Variants in GRB10 observed in about 807,000 individuals in gnomAD.
GRB10 encodes the protein growth factor receptor-bound protein 10.
A neutral mutation model predicts 80.9 loss-of-function variants in GRB10; 20 were observed. The ratio of observed to expected loss-of-function variants is 0.25; its 90% confidence interval spans 0.17 to 0.36. The LOEUF (loss-of-function observed/expected upper bound fraction) is 0.36, where lower values mean the gene tolerates loss of function less well. Among genes scored for constraint, GRB10 ranks in the 10% least tolerant of loss-of-function variants. The pLI is 1.00. For synonymous variants in GRB10, 291 were observed against 291.5 expected (o/e 1.00, Z 0.02); for missense variants, 548 against 747.7 (o/e 0.73, Z 3.12).
intron 7 of GRB10, among the ~76,000 whole-genome samples, chr7:50,659,851 G>T (rs948852885): frequency 6.6e-6 from 1 of 152,190 alleles, no homozygotes; most frequent in Non-Finnish European, 1.5e-5. Flanking sequence ...GGATTCACGC[G>T]TCCCCTCATA....
intron 4 of GRB10, among the ~76,000 whole-genome samples, chr7:50,728,285 TAAC>T (rs1587569792): frequency 6.6e-6 from 1 of 151,400 alleles, no homozygotes; most frequent in Non-Finnish European, 1.5e-5. Context: ...ATAATAATAA[TAAC>T]AACAGTGACA....
chr7:50,617,508 G>A (rs1029590980), intron 10 of GRB10, among the ~76,000 whole-genome samples: 2 of 152,174 alleles, frequency 1.3e-5, no homozygotes, highest in African/African-American at 4.8e-5. Flanking sequence ...AGAGGCCCTG[G>A]TGGCTCCCTC....
chr7:50,750,215 T>C (rs2073860142), intron 3 of GRB10, among the ~76,000 whole-genome samples: 1 of 152,240 alleles, frequency 6.6e-6, no homozygotes, highest in South Asian at 2.1e-4. Context: ...CTGAATTCTC[T>C]TGGGAGCTGC....
intron 17 of GRB10, among the ~76,000 whole-genome samples, chr7:50,597,576 A>G (rs1313853125): frequency 6.6e-6 from 1 of 152,276 alleles, no homozygotes. Flanking sequence ...CTCCTTCTGC[A>G]GATGGGAAGC....
intron 6 of GRB10, among the ~76,000 whole-genome samples, chr7:50,672,122 T>C (rs2060423893): frequency 6.6e-6 from 1 of 152,214 alleles, no homozygotes; most frequent in South Asian, 2.1e-4. Context: ...GTGCAAAGCC[T>C]TCTTGCCCTT....
At chr7:50,701,929 T>C (rs1477430706) in intron 5 of GRB10, among the ~76,000 whole-genome samples, 4 of 152,230 alleles carry the variant, frequency 2.6e-5, no homozygotes, top group African/African-American at 4.8e-5. Context: ...TTGTTGCATA[T>C]AGGCTAAATT....
chr7:50,622,561 C>T (rs1405876186), intron 8 of GRB10, among the ~76,000 whole-genome samples: 1 of 152,110 alleles, frequency 6.6e-6, no homozygotes, highest in Non-Finnish European at 1.5e-5. Context: ...AAACCCTCTT[C>T]TCTTTACTGT....
At chr7:50,691,852 GCAA>G (rs1172332459) in intron 5 of GRB10, among the ~76,000 whole-genome samples, 1 of 152,160 alleles carries the variant, frequency 6.6e-6, no homozygotes, top group Non-Finnish European at 1.5e-5. Context: ...GCATCAGTGT[GCAA>G]CCGGAGACCA....
chr7:50,614,256 G>A (rs959337970), intron 12 of GRB10, among the ~76,000 whole-genome samples: 10 of 152,302 alleles, frequency 6.6e-5, no homozygotes, highest in Admixed American at 4.6e-4. Context: ...ATGTATGCAC[G>A]TGTGGGTATG....
At chr7:50,770,815 A>G (rs745606910) in intron 2 of GRB10, among the ~76,000 whole-genome samples, 8 of 152,294 alleles carry the variant, frequency 5.3e-5, no homozygotes, top group Middle Eastern at 3.4e-3. Flanking sequence ...TTATGTTTAC[A>G]TATAATGGGT....
chr7:50,738,666 A>G (rs1204554930), intron 3 of GRB10, among the ~76,000 whole-genome samples: 3 of 152,236 alleles, frequency 2.0e-5, no homozygotes, highest in African/African-American at 7.2e-5. Context: ...GTGCTACTTT[A>G]AAGAGTTCAG....
Position 50,666,062 on chromosome 7 carries a change from G to A in GRB10, c.504+3660C>T, listed in dbSNP as rs533048169. 3.9e-5 allele frequency among the ~76,000 whole-genome samples: 6 copies of A among 152,334 alleles called. No individual in the cohort carries two copies. In the East Asian group the frequency reaches 1.2e-3, roughly 29 times the overall value. ...CTTGGTAAGCCTGCCTGGGGCTGCTGCATGCTCTGGGATCCCCAGGGAGAG... is the reference window on the plus strand; with the variant it reads ...CTTGGTAAGCCTGCCTGGGGCTGCTACATGCTCTGGGATCCCCAGGGAGAG... On this transcript the variant is annotated intron_variant, in intron 7 of 18. Transcript: ENST00000401949.
chr7:50,615,618 G>A (rs1307496690), intron 11 of GRB10, among the ~76,000 whole-genome samples: 1 of 152,200 alleles, frequency 6.6e-6, no homozygotes, highest in Non-Finnish European at 1.5e-5. Flanking sequence ...GCCCTCAGAT[G>A]GTAAGTGCTC....
At chr7:50,659,618 C>T (rs570501212) in intron 7 of GRB10, among the ~76,000 whole-genome samples, 1 of 152,100 alleles carries the variant, frequency 6.6e-6, no homozygotes, top group South Asian at 2.1e-4. Flanking sequence ...TGTGTGCCCA[C>T]GTCTCTTCTC....
chr7:50,753,600 C>A (rs1184575739), intron 3 of GRB10, among the ~76,000 whole-genome samples: 14 of 152,186 alleles, frequency 9.2e-5, no homozygotes, highest in Non-Finnish European at 1.6e-4. Context: ...TCAAGTGGGA[C>A]CACAGATGAC....
intron 6 of GRB10, 51 bp from the exon 7 acceptor site, chr7:50,669,914 C>A: frequency 6.4e-7 from 1 of 1,562,116 alleles, no homozygotes; most frequent in South Asian, 1.2e-5. Context: ...CCCACATGAC[C>A]CAGCCTTACC....
chr7:50,610,647 T>C (rs934598403), intron 13 of GRB10, among the ~76,000 whole-genome samples: 9 of 152,204 alleles, frequency 5.9e-5, no homozygotes, highest in African/African-American at 2.2e-4. Context: ...AGCTACAGCT[T>C]GGGCCTCAGT....
chr7:50,594,018 GTCAA>G (rs1433957418), intron 18 of GRB10, among the ~76,000 whole-genome samples: 2 of 151,378 alleles, frequency 1.3e-5, no homozygotes, highest in African/African-American at 4.9e-5. Flanking sequence ...AGCCTAAAAT[GTCAA>G]TCACTTTTCA....
chr7:50,682,609 A>G (rs1273440766), intron 5 of GRB10, among the ~76,000 whole-genome samples: 1 of 152,238 alleles, frequency 6.6e-6, no homozygotes, highest in East Asian at 1.9e-4. Context: ...AAACCAATAT[A>G]TATACTACTT....
Sources: gnomAD v4.1 joint callset for allele counts (sites outside exome capture counted in the v4.1 genomes callset) on GRCh38, gnomAD v4.1.1 for gene constraint, MANE v1.5 for transcripts, NCBI Gene and HGNC (gene_info 2026-07-23, HGNC 2026-07-21) for gene names.